CXCL17: variants seen among roughly 807,000 people sequenced by gnomAD.
CXCL17 encodes C-X-C motif chemokine ligand 17.
A neutral mutation model predicts 15.5 loss-of-function variants in CXCL17; 9 were observed. That is an observed-to-expected ratio of 0.58 (90% CI 0.35 to 1.01). The LOEUF (loss-of-function observed/expected upper bound fraction) is 1.01. Ranked by LOEUF, CXCL17 falls within the 50% of genes least tolerant of loss-of-function variation. The pLI, the probability that CXCL17 is intolerant of heterozygous loss-of-function variation, is 0.02. For missense variants in CXCL17, 133 were observed against 138.2 expected, an observed-to-expected ratio of 0.96 and a Z score of 0.19; for synonymous variants, 52 against 52.3, an observed-to-expected ratio of 0.99 and a Z score of 0.02.
chr19:42,438,418 C>T (rs902483244), intron 1 of CXCL17, among the ~76,000 whole-genome samples: 3 of 128,048 alleles, frequency 2.3e-5, no homozygotes, highest in Admixed American at 8.3e-5. Context: ...AATACACACA[C>T]ACACACACAC....
At chr19:42,429,471 G>A (rs565299837) in intron 3 of CXCL17, among the ~76,000 whole-genome samples, 2 of 151,822 alleles carry the variant, frequency 1.3e-5, no homozygotes, top group South Asian at 4.2e-4. Flanking sequence ...TGGGATTACA[G>A]GCACCCACCA....
chr19:42,431,908 T>C (rs901876074), intron 3 of CXCL17, among the ~76,000 whole-genome samples: 2 of 151,894 alleles, frequency 1.3e-5, no homozygotes, highest in African/African-American at 2.4e-5. Flanking sequence ...CCCCCATTTA[T>C]TTGTCAATAC....
chr19:42,439,415 A>G (rs2040870325), intron 1 of CXCL17, among the ~76,000 whole-genome samples: 1 of 152,200 alleles, frequency 6.6e-6, no homozygotes, highest in African/African-American at 2.4e-5. Flanking sequence ...CATAGATTCT[A>G]AAAGTTAATA....
intron 1 of CXCL17, among the ~76,000 whole-genome samples, chr19:42,438,381 A>ATATATATAT (rs1338855267): frequency 4.7e-5 from 3 of 63,846 alleles, no homozygotes; most frequent in African/African-American, 7.6e-5. Flanking sequence ...AAAAAAAAAA[A>ATATATATAT]ATATATATAT....
At chr19:42,436,325 A>G (rs1167431872) in intron 1 of CXCL17, among the ~76,000 whole-genome samples, 1 of 152,212 alleles carries the variant, frequency 6.6e-6, no homozygotes, top group Non-Finnish European at 1.5e-5. Flanking sequence ...TTTGAGTGTT[A>G]TCAAAGTAAT....
rs565648305 is a variant in CXCL17 at position 42,442,843 on chromosome 19, G to T, written c.-11C>A. 1.9e-6 allele frequency: 3 copies of T among 1,608,020 alleles called. No homozygotes were observed. In the South Asian group the frequency reaches 3.3e-5, roughly 18 times the overall value. On this transcript the variant is annotated 5_prime_UTR_variant, in exon 1 of 4. Transcript: ENST00000601181. ...GATTAGAACTTTCATCGCAACTGTCGGTGCAGCTGTAAGTTGCTTGAAGAA... is the reference window on the plus strand; with the variant it reads ...GATTAGAACTTTCATCGCAACTGTCTGTGCAGCTGTAAGTTGCTTGAAGAA...
At chr19:42,434,558 A>G (rs1464411406) in intron 1 of CXCL17, among the ~76,000 whole-genome samples, 1 of 152,078 alleles carries the variant, frequency 6.6e-6, no homozygotes, top group African/African-American at 2.4e-5. Flanking sequence ...CCTCCTGGGT[A>G]GCTGAGGCTT....
At chr19:42,438,408 A>ACAC (rs1568622710) in intron 1 of CXCL17, among the ~76,000 whole-genome samples, 4 of 90,188 alleles carry the variant, frequency 4.4e-5, no homozygotes, top group African/African-American at 2.2e-4. Flanking sequence ...ATATATATAA[A>ACAC]ATACACACAC....
At chr19:42,442,149 G>A (rs1025279037) in intron 1 of CXCL17, among the ~76,000 whole-genome samples, 1 of 151,814 alleles carries the variant, frequency 6.6e-6, no homozygotes, top group African/African-American at 2.4e-5. Flanking sequence ...AATCTTTGTT[G>A]AGCTAGTATA....
At position 42,438,401 on chromosome 19, in the gene CXCL17, TATATAA is replaced by T. The variant is rs1385439709; in HGVS notation, c.79+4347_79+4352del. The stretch of plus-strand genomic sequence containing the variant: ...AAAAAAATATATATATATATATATA[TATATAA>T]AATACACACACACACACACACACAC... On this transcript the variant is annotated intron_variant, in intron 1 of 3. Coordinates refer to ENST00000601181, the MANE Select transcript of CXCL17 (RefSeq NM_198477.3). Among the ~76,000 whole-genome samples, 250 of 99,912 alleles carry T rather than the reference TATATAA, an allele frequency of 2.5e-3. 3 individuals are homozygous for T. The highest frequency in any genetic ancestry group is 0.011 in the African/African-American group (234 of 20,842). 65.5% of individuals were successfully genotyped at this position (99,912 alleles called of 152,430 possible). A position where few individuals can be genotyped will look rare whatever the true frequency, so the allele number is the denominator to read the frequency against.
intron 1 of CXCL17, among the ~76,000 whole-genome samples, chr19:42,437,427 A>G (rs1378669133): frequency 3.3e-5 from 5 of 152,252 alleles, no homozygotes; most frequent in African/African-American, 9.6e-5. Context: ...AACCACTGAT[A>G]CAGTGGCATA....
intron 3 of CXCL17, among the ~76,000 whole-genome samples, chr19:42,430,995 G>A (rs2040774743): frequency 1.3e-5 from 2 of 152,002 alleles, no homozygotes; most frequent in South Asian, 4.1e-4. Flanking sequence ...GCACCATCAC[G>A]CCCGGCTAAT....
At chr19:42,440,128 G>A (rs183147481) in intron 1 of CXCL17, among the ~76,000 whole-genome samples, 15 of 152,252 alleles carry the variant, frequency 9.9e-5, no homozygotes, top group Non-Finnish European at 1.8e-4. Flanking sequence ...GGACAAATGA[G>A]ATAGTAAGTG....
intron 3 of CXCL17, among the ~76,000 whole-genome samples, chr19:42,429,860 C>A (rs1568618970): frequency 1.3e-5 from 2 of 152,138 alleles, no homozygotes. Flanking sequence ...ATACGTATTG[C>A]CTTAGTCGGC....
At position 42,442,860 on chromosome 19, in the gene CXCL17, C is replaced by T; in HGVS notation, c.-28G>A. The T allele has an allele frequency of 6.3e-7, 1 of 1,582,800 alleles. No individual in the cohort carries two copies. The highest frequency in any genetic ancestry group is 1.1e-5 in the South Asian group (1 of 90,140). ...CAACTGTCGGTGCAGCTGTAAGTTGCTTGAAGAATATAATGGAAGGTTCCC... is the reference window on the plus strand; with the variant it reads ...CAACTGTCGGTGCAGCTGTAAGTTGTTTGAAGAATATAATGGAAGGTTCCC... On this transcript the variant is annotated 5_prime_UTR_variant, in exon 1 of 4. Coordinates refer to ENST00000601181, the MANE Select transcript of CXCL17 (RefSeq NM_198477.3).
At chr19:42,439,412 T>G (rs900986785) in intron 1 of CXCL17, among the ~76,000 whole-genome samples, 6 of 152,030 alleles carry the variant, frequency 3.9e-5, no homozygotes, top group Non-Finnish European at 8.8e-5. Context: ...ATCCATAGAT[T>G]CTAAAAGTTA....
chr19:42,433,383 A>G (rs1897101985), intron 2 of CXCL17, among the ~76,000 whole-genome samples: 1 of 152,178 alleles, frequency 6.6e-6, no homozygotes, highest in African/African-American at 2.4e-5. Context: ...TCTGCTTTTC[A>G]GTGGCTACTT....
Position 42,433,867 on chromosome 19 carries a change from G to T in CXCL17, c.80-11C>A, listed in dbSNP as rs201641382. On this transcript the variant is annotated splice_polypyrimidine_tract_variant and intron_variant, in intron 1 of 3. Transcript: ENST00000601181. The stretch of plus-strand genomic sequence containing the variant: ...GGCCTCTGGCGACCCCTGTCGGAAG[G>T]AAACAGGTCACATCCAGACACTGGA... 5.6e-6 allele frequency: 9 copies of T among 1,610,620 alleles called. No homozygotes were observed. The highest frequency in any genetic ancestry group is 1.7e-4 in the Middle Eastern group (1 of 6,052).
chr19:42,442,699 C>T, intron 1 of CXCL17, 55 bp downstream of exon 1: 1 of 1,279,390 alleles, frequency 7.8e-7, no homozygotes, highest in Non-Finnish European at 1.1e-6. Context: ...GTGTCTGTGG[C>T]CTGTTTTGCC....
Sources: gnomAD v4.1 joint callset for allele counts (sites outside exome capture counted in the v4.1 genomes callset) on GRCh38, gnomAD v4.1.1 for gene constraint, MANE v1.5 for transcripts, NCBI Gene and HGNC (gene_info 2026-07-23, HGNC 2026-07-21) for gene names.